CDH11: variants seen among roughly 807,000 people sequenced by gnomAD.
CDH11 encodes cadherin-11.
A neutral mutation model predicts 67.8 loss-of-function variants in CDH11; 11 were observed. That is an observed-to-expected ratio of 0.16 (90% confidence interval 0.10 to 0.27). CDH11 has a LOEUF of 0.27. CDH11 is among the 10% of genes least tolerant of loss of function. CDH11 has a pLI of 1.00. For synonymous variants in CDH11, 419 were observed against 400.0 expected (o/e 1.05, Z -0.57); for missense variants, 847 against 1,031.2 (o/e 0.82, Z 2.45).
intron 1 of CDH11, among the ~76,000 whole-genome samples, chr16:65,071,360 A>T (rs867659376): frequency 6.8e-6 from 1 of 148,060 alleles, no homozygotes; most frequent in Non-Finnish European, 1.5e-5. Context: ...ACACACATGC[A>T]TGTATAAATA....
intron 1 of CDH11, among the ~76,000 whole-genome samples, chr16:65,116,453 G>T (rs568280241): frequency 6.6e-6 from 1 of 152,310 alleles, no homozygotes; most frequent in African/African-American, 2.4e-5. Flanking sequence ...TTCTTCAAGA[G>T]AGCTGAATGT....
At chr16:65,087,370 T>C (rs1287515986) in intron 1 of CDH11, among the ~76,000 whole-genome samples, 1 of 152,110 alleles carries the variant, frequency 6.6e-6, no homozygotes, top group Admixed American at 6.5e-5. Flanking sequence ...ACTATGTAAT[T>C]GAGTTAACTT....
At chr16:65,112,798 A>C (rs1163448566) in intron 1 of CDH11, among the ~76,000 whole-genome samples, 1 of 152,210 alleles carries the variant, frequency 6.6e-6, no homozygotes, top group East Asian at 1.9e-4. Context: ...GCAAAGTATT[A>C]TCAAACAGCG....
At chr16:64,973,464 A>G (rs962397818) in intron 8 of CDH11, among the ~76,000 whole-genome samples, 2 of 152,220 alleles carry the variant, frequency 1.3e-5, no homozygotes, top group African/African-American at 2.4e-5. Flanking sequence ...AAGTGTATTT[A>G]AATTTATCAA....
chr16:65,025,942 GA>G (rs889952489), intron 2 of CDH11, among the ~76,000 whole-genome samples: 3 of 152,126 alleles, frequency 2.0e-5, no homozygotes, highest in African/African-American at 7.2e-5. Context: ...GAAAGGAAAT[GA>G]ATGGGGATAC....
At chr16:64,963,786 AAGAGAAT>A (rs1309225012) in intron 11 of CDH11, among the ~76,000 whole-genome samples, 1 of 152,226 alleles carries the variant, frequency 6.6e-6, no homozygotes, top group Non-Finnish European at 1.5e-5. Context: ...TGCCAGCAAA[AAGAGAAT>A]AAAGTGAAAT....
At chr16:65,020,251 G>C (rs1303051409) in intron 2 of CDH11, among the ~76,000 whole-genome samples, 2 of 152,206 alleles carry the variant, frequency 1.3e-5, no homozygotes, top group African/African-American at 4.8e-5. Flanking sequence ...AGTTAATGTA[G>C]TTTAGTAAAC....
At position 65,121,011 on chromosome 16, in the gene CDH11, G is replaced by A. The variant is rs1238425975; in HGVS notation, c.-298+869C>T. 6.6e-6 allele frequency among the ~76,000 whole-genome samples: 1 copy of A among 152,220 alleles called. No homozygotes were observed. The highest frequency in any genetic ancestry group is 1.5e-5 in the Non-Finnish European group (1 of 68,034). On this transcript the variant is annotated intron_variant, in intron 1 of 12. Coordinates refer to ENST00000268603, the MANE Select transcript of CDH11 (RefSeq NM_001797.4). This position sits in a 1 kb window ranked among gnomAD's most constrained non-coding sequence, Gnocchi z 4.1. ...GCGTTCCGGGGCAGAGCGCAGGGAGGGAGGCCGTGCGTGCCGGGAGCTAGA... is the reference window on the plus strand; with the variant it reads ...GCGTTCCGGGGCAGAGCGCAGGGAGAGAGGCCGTGCGTGCCGGGAGCTAGA...
At chr16:64,986,078 T>C (rs2072479875) in intron 7 of CDH11, 1 of 152,116 alleles carries the variant, frequency 6.6e-6, no homozygotes, top group South Asian at 2.1e-4. Flanking sequence ...TACTTTAAAA[T>C]GCAGAAATAT....
intron 4 of CDH11, 61 bp from the exon 5 acceptor site, chr16:64,993,095 T>C: frequency 7.2e-7 from 1 of 1,385,910 alleles, no homozygotes; most frequent in South Asian, 1.2e-5. Flanking sequence ...ATGTTCTTGT[T>C]TACAAAGTTT....
At chr16:64,969,210 T>A (rs563708608) in intron 11 of CDH11, among the ~76,000 whole-genome samples, 1 of 152,180 alleles carries the variant, frequency 6.6e-6, no homozygotes, top group Non-Finnish European at 1.5e-5. Context: ...GAACAATGTG[T>A]CTTAGTATAA....
chr16:65,008,239 T>C (rs1180662312), intron 2 of CDH11, among the ~76,000 whole-genome samples: 1 of 152,228 alleles, frequency 6.6e-6, no homozygotes, highest in Non-Finnish European at 1.5e-5. Context: ...ATTTAAGAGT[T>C]TCCACATGAT....
intron 8 of CDH11, among the ~76,000 whole-genome samples, chr16:64,978,506 G>T (rs1348127360): frequency 1.3e-5 from 2 of 152,102 alleles, no homozygotes; most frequent in African/African-American, 4.8e-5. Context: ...AAAAGATGAA[G>T]AACTCACAGT....
intron 2 of CDH11, among the ~76,000 whole-genome samples, chr16:65,038,285 G>A (rs987894473): frequency 6.6e-6 from 1 of 152,064 alleles, no homozygotes; most frequent in Non-Finnish European, 1.5e-5. Context: ...CTGTTTCGCG[G>A]GACGCTGCTA....
In CDH11 at chr16:65,013,056, A is replaced by G. The variant is rs145662255; in HGVS notation, c.-172-8015T>C. On this transcript the variant is annotated intron_variant, in intron 2 of 12. Coordinates refer to ENST00000268603, the MANE Select transcript of CDH11 (RefSeq NM_001797.4). Reference sequence around the variant, plus strand: ...ATAGGAGGTTGGAAATAGCCTATAAATGGTCTCCCATGCATATCTGCAGGG... The same window carrying G: ...ATAGGAGGTTGGAAATAGCCTATAAGTGGTCTCCCATGCATATCTGCAGGG... Among the ~76,000 whole-genome samples, 650 of 152,298 alleles carry G rather than the reference A, an allele frequency of 4.3e-3. 5 individuals carry two copies. The highest frequency in any genetic ancestry group is 7.0e-3 in the Non-Finnish European group (475 of 68,028).
intron 1 of CDH11, among the ~76,000 whole-genome samples, chr16:65,076,091 G>C (rs1281491876): frequency 3.3e-5 from 5 of 152,170 alleles, no homozygotes; most frequent in African/African-American, 4.8e-5. Flanking sequence ...GAGTGCACCT[G>C]TGCCTTGAGA....
Position 64,948,585 on chromosome 16 carries a change from T to C in CDH11, c.1895-486A>G, listed in dbSNP as rs768693813. The C allele has an allele frequency of 2.1e-5, 33 of 1,586,696 alleles. No individual in the cohort carries two copies. In the East Asian group the frequency reaches 5.6e-4, roughly 27 times the overall value. ...TGTCTGAGAAAGAGTATTGGTCCTA[T>C]ACTAACTTAATGGGAAGTCTTACCG... On this transcript the variant is annotated intron_variant, in intron 12 of 12. Transcript: ENST00000268603.
At chr16:64,962,486 G>T (rs143610809) in intron 11 of CDH11, among the ~76,000 whole-genome samples, 1 of 152,058 alleles carries the variant, frequency 6.6e-6, no homozygotes, top group South Asian at 2.1e-4. Context: ...AGAAAAACCT[G>T]AACTGTAATT....
At chr16:65,078,048 A>G (rs995969996) in intron 1 of CDH11, among the ~76,000 whole-genome samples, 7 of 152,210 alleles carry the variant, frequency 4.6e-5, no homozygotes, top group Non-Finnish European at 8.8e-5. Context: ...TGCTCTAGCA[A>G]TCCTTACCCT....
Sources: gnomAD v4.1 joint callset for allele counts (sites outside exome capture counted in the v4.1 genomes callset) on GRCh38, gnomAD v4.1.1 for gene constraint, Gnocchi (gnomAD v3.1) non-coding constraint, MANE v1.5 for transcripts, NCBI Gene and HGNC (gene_info 2026-07-23, HGNC 2026-07-21) for gene names.